PLD5: variants seen among roughly 807,000 people sequenced by gnomAD.
PLD5 encodes the protein inactive phospholipase D5.
PLD5 carries 36 observed loss-of-function variants against 61.1 expected under a neutral mutation model. The ratio of observed to expected loss-of-function variants is 0.59; its 90% CI spans 0.45 to 0.78. PLD5 has a LOEUF of 0.78. Among genes scored for constraint, PLD5 ranks in the 30% least tolerant of loss-of-function variants. The probability of loss-of-function intolerance (pLI) is 0.00; values close to 1 mark genes in which losing one functional copy is unlikely to be tolerated. For missense variants in PLD5, 515 were observed against 644.4 expected, an observed-to-expected ratio of 0.80 and a Z score of 2.17; for synonymous variants, 243 against 242.8, an observed-to-expected ratio of 1.00 and a Z score of -0.01.
At chr1:242,383,551 G>C (rs569147321) in intron 1 of PLD5, among the ~76,000 whole-genome samples, 1 of 148,874 alleles carries the variant, frequency 6.7e-6, no homozygotes, top group Non-Finnish European at 1.5e-5. Flanking sequence ...TCTTTTCTTT[G>C]CAGTAGCAGA....
intron 3 of PLD5, among the ~76,000 whole-genome samples, chr1:242,279,230 G>C (rs1314326702): frequency 2.0e-5 from 3 of 152,214 alleles, no homozygotes; most frequent in Non-Finnish European, 4.4e-5. Flanking sequence ...TTGACAAACT[G>C]GGGTAGGGAC....
intron 5 of PLD5, among the ~76,000 whole-genome samples, chr1:242,215,616 C>T (rs376983994): frequency 6.2e-4 from 94 of 152,094 alleles, no homozygotes; most frequent in Non-Finnish European, 1.1e-3. Context: ...GCTTCCACAC[C>T]CCCTCGGGTC....
At chr1:242,423,617 C>T (rs1177459400) in intron 1 of PLD5, among the ~76,000 whole-genome samples, 2 of 152,112 alleles carry the variant, frequency 1.3e-5, no homozygotes, top group Non-Finnish European at 2.9e-5. Context: ...GCCTGGGCAA[C>T]ATATTGAGAC....
At chr1:242,216,470 A>G (rs371131995) in intron 5 of PLD5, among the ~76,000 whole-genome samples, 2 of 152,254 alleles carry the variant, frequency 1.3e-5, no homozygotes, top group East Asian at 3.9e-4. Flanking sequence ...TATTTTATCT[A>G]AATGGCTTGT....
intron 1 of PLD5, among the ~76,000 whole-genome samples, chr1:242,401,640 T>C (rs1030292679): frequency 1.3e-5 from 2 of 152,200 alleles, no homozygotes; most frequent in Admixed American, 6.5e-5. Context: ...TTTTCTTCTA[T>C]CTGGAGTTCT....
intron 1 of PLD5, among the ~76,000 whole-genome samples, chr1:242,405,256 A>G (rs921329001): frequency 6.6e-6 from 1 of 152,108 alleles, no homozygotes; most frequent in Non-Finnish European, 1.5e-5. Context: ...GGTTGTATTC[A>G]AATCCCTTAT....
chr1:242,300,720 C>T (rs116659331), intron 2 of PLD5, among the ~76,000 whole-genome samples: 8,669 of 151,602 alleles, frequency 0.057, 294 homozygotes, highest in Middle Eastern at 0.11. Context: ...ACGAGGATGA[C>T]CCCTGATGTT....
At chr1:242,506,478 G>A (rs184721403) in intron 1 of PLD5, among the ~76,000 whole-genome samples, 19 of 152,208 alleles carry the variant, frequency 1.2e-4, no homozygotes, top group Admixed American at 7.2e-4. Context: ...GTTAAGGACT[G>A]CAGCGTGAGG....
chr1:242,341,122 G>C (rs969590702), intron 2 of PLD5, among the ~76,000 whole-genome samples: 2 of 152,052 alleles, frequency 1.3e-5, no homozygotes, highest in Admixed American at 1.3e-4. Flanking sequence ...AAAAAGCAAG[G>C]CTGCTCTTAG....
chr1:242,278,974 GATATC>G (rs1213405457), intron 3 of PLD5, among the ~76,000 whole-genome samples: 2 of 152,198 alleles, frequency 1.3e-5, no homozygotes, highest in African/African-American at 4.8e-5. Context: ...GAGTTCTACT[GATATC>G]ATATGCAGCC....
At chr1:242,248,949 A>G (rs1454966083) in intron 4 of PLD5, among the ~76,000 whole-genome samples, 1 of 152,092 alleles carries the variant, frequency 6.6e-6, no homozygotes. Context: ...GGAGTTTGAG[A>G]CCAGCCTGGC....
chr1:242,481,001 AG>A (rs1326053602), intron 1 of PLD5, among the ~76,000 whole-genome samples: 1 of 152,222 alleles, frequency 6.6e-6, no homozygotes, highest in African/African-American at 2.4e-5. Context: ...AGAATGGCTT[AG>A]TACCCAGTGA....
intron 1 of PLD5, among the ~76,000 whole-genome samples, chr1:242,411,686 G>A (rs1471979047): frequency 6.6e-6 from 1 of 152,152 alleles, no homozygotes; most frequent in Non-Finnish European, 1.5e-5. Flanking sequence ...TGAGATAATT[G>A]TATTCACATG....
At chr1:242,506,926 C>G (rs568667582) in intron 1 of PLD5, among the ~76,000 whole-genome samples, 6 of 152,300 alleles carry the variant, frequency 3.9e-5, no homozygotes, top group Non-Finnish European at 7.3e-5. Flanking sequence ...AATAGGACAG[C>G]AACGCGGTAC....
intron 3 of PLD5, among the ~76,000 whole-genome samples, chr1:242,266,112 A>T (rs1273280902): frequency 6.6e-6 from 1 of 152,250 alleles, no homozygotes; most frequent in Non-Finnish European, 1.5e-5. Flanking sequence ...ATGGTGGTTC[A>T]TGCCTCTAAT....
At chr1:242,113,296 T>C (rs749777169) in intron 7 of PLD5, among the ~76,000 whole-genome samples, 26 of 152,094 alleles carry the variant, frequency 1.7e-4, no homozygotes, top group Non-Finnish European at 3.1e-4. Flanking sequence ...GGTTTCACCA[T>C]GTTAGCCAGG....
intron 1 of PLD5, among the ~76,000 whole-genome samples, chr1:242,435,741 G>A (rs1665963341): frequency 6.6e-6 from 1 of 152,186 alleles, no homozygotes; most frequent in South Asian, 2.1e-4. Context: ...CTAATTCAGT[G>A]ATCATAGTGA....
chr1:242,438,385 T>G (rs1666107120), intron 1 of PLD5, among the ~76,000 whole-genome samples: 2 of 150,814 alleles, frequency 1.3e-5, no homozygotes, highest in South Asian at 4.2e-4. Context: ...TGCCTCAGTC[T>G]CCCAAATAGC....
chr1:242,196,600 A>G (rs192312629), intron 5 of PLD5, among the ~76,000 whole-genome samples: 98 of 152,330 alleles, frequency 6.4e-4, no homozygotes, highest in Non-Finnish European at 1.2e-3. Flanking sequence ...GTACACACAC[A>G]TATATACTAA....
Sources: allele counts gnomAD v4.1 joint callset (sites outside exome capture counted in the v4.1 genomes callset), GRCh38; gene constraint gnomAD v4.1.1; transcripts MANE v1.5; gene names NCBI Gene and HGNC (gene_info 2026-07-23, HGNC 2026-07-21).